The following UVRAG variants were observed in gnomAD, a reference collection of about 807,000 sequenced individuals.
UVRAG encodes UV radiation resistance-associated gene protein.
In UVRAG, 19 loss-of-function variants were observed where a neutral mutation model predicts 78.0. That is an observed-to-expected ratio of 0.24 (90% CI 0.17 to 0.36). The LOEUF (loss-of-function observed/expected upper bound fraction) is 0.36. Among genes scored for constraint, UVRAG ranks in the 10% least tolerant of loss-of-function variants. The pLI is 1.00. For missense variants in UVRAG, 740 were observed against 853.8 expected (o/e 0.87, Z 1.66); for synonymous variants, 323 against 324.6 (o/e 1.00, Z 0.05).
At chr11:76,019,379 C>G (rs1317804555) in intron 12 of UVRAG, among the ~76,000 whole-genome samples, 1 of 152,136 alleles carries the variant, frequency 6.6e-6, no homozygotes, top group Non-Finnish European at 1.5e-5. Flanking sequence ...TCATGTTTTC[C>G]TTGATGGCCT....
intron 5 of UVRAG, among the ~76,000 whole-genome samples, chr11:75,899,236 A>G (rs1295106881): frequency 2.0e-5 from 3 of 152,100 alleles, no homozygotes. Context: ...GTAAAATTTT[A>G]TTTCTGAACT....
chr11:75,961,351 C>T, intron 6 of UVRAG, 93 bp from the exon 7 acceptor site: 1 of 895,378 alleles, frequency 1.1e-6, no homozygotes, highest in Non-Finnish European at 1.7e-6. Context: ...ATTATTAATT[C>T]TATGTATCCT....
At chr11:76,102,355 G>A (rs568350289) in intron 13 of UVRAG, among the ~76,000 whole-genome samples, 10 of 152,174 alleles carry the variant, frequency 6.6e-5, no homozygotes, top group Admixed American at 2.0e-4. Context: ...ATGGGATTAC[G>A]TTCCTGATTT....
At chr11:75,852,146 G>T in intron 2 of UVRAG, 146 bp downstream of exon 2, 2 of 560,478 alleles carry the variant, frequency 3.6e-6, no homozygotes, top group Non-Finnish European at 6.2e-6. Flanking sequence ...TGAGCAGTTG[G>T]GATGTATACT....
rs553960869 is a variant in UVRAG at position 75,981,641 on chromosome 11, G to A, written c.700-1746G>A. 4.1e-4 allele frequency among the ~76,000 whole-genome samples: 63 copies of A among 152,036 alleles called. No homozygotes were observed. In the South Asian group the frequency reaches 5.2e-3, roughly 13 times the overall value. On this transcript the variant is annotated intron_variant, in intron 7 of 14. Coordinates refer to ENST00000356136, the MANE Select transcript of UVRAG (RefSeq NM_003369.4). ...CATTATTTTTTCAAATACTTTTTCA[G>A]TCCTTCTCTGTTTCTCTTTTCTTTC...
At chr11:75,858,304 C>T (rs149982061) in intron 2 of UVRAG, among the ~76,000 whole-genome samples, 145 of 152,250 alleles carry the variant, frequency 9.5e-4, no homozygotes, top group Non-Finnish European at 1.9e-4. Flanking sequence ...TATGCAAATA[C>T]AAGTACAAAT....
intron 13 of UVRAG, among the ~76,000 whole-genome samples, chr11:76,068,996 G>A (rs192645380): frequency 4.6e-5 from 7 of 152,352 alleles, no homozygotes; most frequent in Non-Finnish European, 2.9e-5. Context: ...ATGTGTTAAA[G>A]TGCCAGAGAA....
chr11:75,861,586 C>CT (rs567262865), intron 2 of UVRAG, among the ~76,000 whole-genome samples, 160 bp from the exon 3 acceptor site: 325 of 98,876 alleles, frequency 3.3e-3, no homozygotes, highest in African/African-American at 0.016. Context: ...TGAATTTTTA[C>CT]TTTTTTTTTT....
intron 5 of UVRAG, among the ~76,000 whole-genome samples, chr11:75,898,903 T>C (rs1254853929): frequency 6.6e-6 from 1 of 152,152 alleles, no homozygotes; most frequent in Non-Finnish European, 1.5e-5. Context: ...TACTAACTTG[T>C]TTCCAAAGCA....
chr11:76,058,520 C>T (rs1262954451), intron 12 of UVRAG, among the ~76,000 whole-genome samples: 8 of 121,198 alleles, frequency 6.6e-5, no homozygotes, highest in Non-Finnish European at 1.2e-4. Flanking sequence ...GGAGACAGAG[C>T]AAGACCCTAT....
At chr11:76,071,627 G>T (rs776380198) in intron 13 of UVRAG, among the ~76,000 whole-genome samples, 1 of 152,082 alleles carries the variant, frequency 6.6e-6, no homozygotes, top group Non-Finnish European at 1.5e-5. Flanking sequence ...TTAATGGATT[G>T]CAGGGAACTA....
Position 75,851,949 on chromosome 11 carries a change from C to G in UVRAG, c.184C>G (p.Leu62Val). 6.2e-7 allele frequency: 1 copy of G among 1,614,056 alleles called. No homozygotes were observed. Among genetic ancestry groups the G allele is most frequent in the South Asian group, 1.1e-5 (1 of 91,054 alleles). ...TGTTAATAGAAATGGCCATCAGCTC[C>G]TTGATACCTACTTTACACTTCACTT... Reference protein sequence around the residue: ...NIVNRNGHQLLDTYFTLHLCS... With the variant: ...NIVNRNGHQLVDTYFTLHLCS... The change falls in exon 2 of 15, where the codon CTT becomes GTT. Residue 62 changes from leucine (L) to valine (V), a missense_variant. Transcript: ENST00000356136.
intron 12 of UVRAG, among the ~76,000 whole-genome samples, chr11:76,049,772 A>G (rs1345408911): frequency 2.0e-5 from 3 of 152,198 alleles, no homozygotes; most frequent in Admixed American, 6.5e-5. Flanking sequence ...CATAGTTCAC[A>G]TTCCTTTGGA....
At chr11:75,989,836 TTCTCAGTGCCCA>T (rs1949572098) in intron 8 of UVRAG, among the ~76,000 whole-genome samples, 1 of 152,268 alleles carries the variant, frequency 6.6e-6, no homozygotes, top group African/African-American at 2.4e-5. Flanking sequence ...TATGGTATCC[TTCTCAGTGCCCA>T]ACACTGAGGC....
At chr11:75,982,575 T>G (rs897330626) in intron 7 of UVRAG, among the ~76,000 whole-genome samples, 1 of 152,178 alleles carries the variant, frequency 6.6e-6, no homozygotes, top group African/African-American at 2.4e-5. Context: ...TGTCAGTAGT[T>G]ACCACATGGG....
At chr11:75,944,177 A>T (rs569996523) in intron 6 of UVRAG, among the ~76,000 whole-genome samples, 167 of 152,222 alleles carry the variant, frequency 1.1e-3, no homozygotes, top group South Asian at 5.0e-3. Flanking sequence ...CCAATACCCT[A>T]AACAGCAGTT....
chr11:76,014,090 A>C (rs1394100973), intron 11 of UVRAG, among the ~76,000 whole-genome samples: 1 of 152,154 alleles, frequency 6.6e-6, no homozygotes, highest in Non-Finnish European at 1.5e-5. Flanking sequence ...CTTCTCTTAG[A>C]GATGCCTTTT....
intron 14 of UVRAG, among the ~76,000 whole-genome samples, chr11:76,119,903 TC>T (rs1342904402): frequency 3.3e-5 from 5 of 152,210 alleles, no homozygotes; most frequent in African/African-American, 1.2e-4. Flanking sequence ...CAAGTTTTCT[TC>T]CATAGTCTAC....
At chr11:75,964,642 C>T (rs1948977025) in intron 7 of UVRAG, among the ~76,000 whole-genome samples, 1 of 152,156 alleles carries the variant, frequency 6.6e-6, no homozygotes, top group African/African-American at 2.4e-5. Context: ...GTGGCCCACG[C>T]CTGTAATCCC....
Sources: allele counts gnomAD v4.1 joint callset (sites outside exome capture counted in the v4.1 genomes callset), GRCh38; gene constraint gnomAD v4.1.1; transcripts MANE v1.5; gene names NCBI Gene and HGNC (gene_info 2026-07-23, HGNC 2026-07-21).